ADAMTS17: variants seen among roughly 807,000 people sequenced by gnomAD.
The protein encoded by ADAMTS17 is ADAM metallopeptidase with thrombospondin type 1 motif 17.
ADAMTS17 carries 113 observed loss-of-function variants against 141.5 expected under a neutral mutation model. The ratio of observed to expected loss-of-function variants is 0.80; its 90% CI spans 0.69 to 0.93. The LOEUF is 0.93. ADAMTS17 is among the 40% of genes least tolerant of loss of function. ADAMTS17 has a pLI of 0.00. For synonymous variants in ADAMTS17, 768 were observed against 630.6 expected, an observed-to-expected ratio of 1.22 and a Z score of -3.27; for missense variants, 1,659 against 1,517.9, an observed-to-expected ratio of 1.09 and a Z score of -1.54.
chr15:100,269,887 A>G (rs2142027502), intron 4 of ADAMTS17, among the ~76,000 whole-genome samples: 1 of 152,216 alleles, frequency 6.6e-6, no homozygotes, highest in East Asian at 1.9e-4. Context: ...CAAAACTGGG[A>G]TTCCTTTTCT....
intron 18 of ADAMTS17, among the ~76,000 whole-genome samples, chr15:100,047,246 A>T (rs1356279547): frequency 7.4e-6 from 1 of 134,770 alleles, no homozygotes; most frequent in East Asian, 2.5e-4. Context: ...TATCAATGAC[A>T]ATGGTGCCCG....
chr15:100,002,793 G>C (rs2141368621), intron 18 of ADAMTS17, among the ~76,000 whole-genome samples: 1 of 152,096 alleles, frequency 6.6e-6, no homozygotes, highest in Non-Finnish European at 1.5e-5. Flanking sequence ...TCTCTCCTTT[G>C]CTTCTTGTGC....
chr15:100,339,258 CA>C, intron 2 of ADAMTS17: 1 of 737,244 alleles, frequency 1.4e-6, no homozygotes, highest in Non-Finnish European at 1.7e-6. Context: ...CCTCATTCTG[CA>C]AGGATTTTAA....
intron 7 of ADAMTS17, among the ~76,000 whole-genome samples, chr15:100,226,206 G>T (rs1331215856): frequency 1.3e-5 from 2 of 152,252 alleles, no homozygotes; most frequent in Non-Finnish European, 2.9e-5. Flanking sequence ...AGCAGTCATG[G>T]TCTGTGTTCT....
At position 100,254,122 on chromosome 15, in the gene ADAMTS17, A is replaced by T; in HGVS notation, c.1075+14T>A. 6.2e-7 allele frequency: 1 copy of T among 1,611,422 alleles called. No homozygotes were observed. The highest frequency in any genetic ancestry group is 8.5e-7 in the Non-Finnish European group (1 of 1,177,574). On this transcript the variant is annotated intron_variant, in intron 7 of 21. Coordinates refer to ENST00000268070, the MANE Select transcript of ADAMTS17 (RefSeq NM_139057.4). ...TATCAGCCCCTTAGATTATTATTTC[A>T]ACTCTAAACTTACCAACAGTGTCAC... is the stretch of plus-strand genomic sequence containing the variant.
chr15:100,053,349 A>G (rs2141597483), intron 16 of ADAMTS17, among the ~76,000 whole-genome samples: 1 of 152,280 alleles, frequency 6.6e-6, no homozygotes, highest in South Asian at 2.1e-4. Flanking sequence ...AATGGCTCAC[A>G]GGTTTCTGGA....
intron 15 of ADAMTS17, among the ~76,000 whole-genome samples, chr15:100,095,678 A>G (rs552274014): frequency 6.6e-6 from 1 of 152,166 alleles, no homozygotes; most frequent in Non-Finnish European, 1.5e-5. Context: ...GGTGTCAACT[A>G]CAGACGCTTT....
chr15:100,278,151 G>A (rs1360062025), intron 4 of ADAMTS17, among the ~76,000 whole-genome samples: 1 of 152,100 alleles, frequency 6.6e-6, no homozygotes, highest in Non-Finnish European at 1.5e-5. Flanking sequence ...GAGAGGGAAA[G>A]GGGGAAGATA....
Position 99,974,565 on chromosome 15 carries a change from A to G in ADAMTS17, c.3128-3T>C. The G allele has an allele frequency of 6.2e-7, 1 of 1,614,198 alleles. No individual in the cohort carries two copies. The highest frequency in any genetic ancestry group is 8.5e-7 in the Non-Finnish European group (1 of 1,180,012). On this transcript the variant is annotated splice_region_variant and splice_polypyrimidine_tract_variant and intron_variant, in intron 21 of 21. Coordinates refer to ENST00000268070, the MANE Select transcript of ADAMTS17 (RefSeq NM_139057.4). The stretch of plus-strand genomic sequence containing the variant: ...TGTGCATTTGTAGGTCAGAGCAGCT[A>G]AGGGGATAGGAGAGAGAATACCCAG...
intron 18 of ADAMTS17, among the ~76,000 whole-genome samples, chr15:100,016,475 C>A (rs1395102329): frequency 6.6e-5 from 10 of 152,068 alleles, no homozygotes; most frequent in Non-Finnish European, 1.5e-4. Flanking sequence ...TTTTCTAGTT[C>A]CTTCTCATTT....
chr15:100,340,010 C>T (rs1264521688), intron 2 of ADAMTS17, among the ~76,000 whole-genome samples: 4 of 152,202 alleles, frequency 2.6e-5, no homozygotes, highest in South Asian at 2.1e-4. Flanking sequence ...GTGTGGGGAG[C>T]AGTTTCTTGT....
At chr15:100,023,683 C>G (rs2573579) in intron 18 of ADAMTS17, among the ~76,000 whole-genome samples, 2 of 152,066 alleles carry the variant, frequency 1.3e-5, no homozygotes, top group African/African-American at 4.8e-5. Flanking sequence ...GAAAGTCAGA[C>G]TCTAGCACAG....
At chr15:100,100,893 T>C (rs1459506460) in intron 14 of ADAMTS17, among the ~76,000 whole-genome samples, 2 of 149,894 alleles carry the variant, frequency 1.3e-5, no homozygotes, top group African/African-American at 4.9e-5. Flanking sequence ...CCACTCCAGA[T>C]GCACAGTGAA....
chr15:100,261,188 T>C (rs1277400004), intron 6 of ADAMTS17, among the ~76,000 whole-genome samples: 1 of 152,106 alleles, frequency 6.6e-6, no homozygotes, highest in Non-Finnish European at 1.5e-5. Flanking sequence ...ATCCCATGAC[T>C]GTTATATTTA....
intron 15 of ADAMTS17, among the ~76,000 whole-genome samples, chr15:100,073,864 T>A (rs897402771): frequency 6.6e-6 from 1 of 151,932 alleles, no homozygotes; most frequent in African/African-American, 2.4e-5. Context: ...TGTATACATA[T>A]GTAACAAACC....
At chr15:100,289,788 A>G (rs2044570106) in intron 3 of ADAMTS17, among the ~76,000 whole-genome samples, 1 of 152,234 alleles carries the variant, frequency 6.6e-6, no homozygotes, top group Non-Finnish European at 1.5e-5. Flanking sequence ...CAATAGATGC[A>G]GAAAAAGGCT....
At chr15:100,269,444 T>G (rs181945979) in intron 4 of ADAMTS17, among the ~76,000 whole-genome samples, 75 of 152,350 alleles carry the variant, frequency 4.9e-4, no homozygotes, top group Admixed American at 2.3e-3. Context: ...ATTGATTGAC[T>G]GATCTTTAAT....
intron 18 of ADAMTS17, among the ~76,000 whole-genome samples, chr15:100,046,576 G>T (rs552167226): frequency 2.0e-5 from 3 of 152,350 alleles, no homozygotes; most frequent in South Asian, 4.1e-4. Context: ...GCAGAAGAAC[G>T]TGGATTGTGA....
intron 7 of ADAMTS17, among the ~76,000 whole-genome samples, chr15:100,221,963 C>T (rs1436951207): frequency 1.3e-5 from 2 of 152,096 alleles, no homozygotes; most frequent in Admixed American, 1.3e-4. Flanking sequence ...ACCTGAGGGC[C>T]TCGAGGCCAT....
Sources: allele counts gnomAD v4.1 joint callset (sites outside exome capture counted in the v4.1 genomes callset), GRCh38; gene constraint gnomAD v4.1.1; transcripts MANE v1.5; gene names NCBI Gene and HGNC (gene_info 2026-07-23, HGNC 2026-07-21).